COL24A1: variants seen among roughly 807,000 people sequenced by gnomAD.
COL24A1 encodes collagen type XXIV alpha 1 chain.
COL24A1 carries 224 observed loss-of-function variants against 253.9 expected under a neutral mutation model. The ratio of observed to expected loss-of-function variants is 0.88; its 90% CI spans 0.79 to 0.99. The LOEUF (loss-of-function observed/expected upper bound fraction) is 0.99. Among genes scored for constraint, COL24A1 ranks in the 50% least tolerant of loss-of-function variants. The pLI is 0.00. For synonymous variants in COL24A1, 685 were observed against 673.7 expected (o/e 1.02, Z -0.26); for missense variants, 2,131 against 2,068.5 (o/e 1.03, Z -0.59).
chr1:86,034,027 CTT>C, intron 12 of COL24A1, 104 bp from the exon 13 acceptor site: 1 of 799,902 alleles, frequency 1.3e-6, no homozygotes, highest in East Asian at 3.2e-5. Flanking sequence ...TTTCCTAACT[CTT>C]AAACTGTAAT....
At chr1:85,798,661 A>C (rs1238121188) in intron 47 of COL24A1, among the ~76,000 whole-genome samples, 3 of 152,174 alleles carry the variant, frequency 2.0e-5, no homozygotes, top group Admixed American at 1.3e-4. Context: ...GTGCTGATGA[A>C]GTGTGTTTTT....
At chr1:86,046,754 T>C in intron 12 of COL24A1, 71 bp downstream of exon 12, 1 of 1,553,172 alleles carries the variant, frequency 6.4e-7, no homozygotes, top group South Asian at 1.2e-5. Flanking sequence ...TCTTCACATT[T>C]TAATAAGTAA....
intron 35 of COL24A1, among the ~76,000 whole-genome samples, chr1:85,870,277 A>G (rs1319221690): frequency 6.6e-6 from 1 of 152,214 alleles, no homozygotes; most frequent in Non-Finnish European, 1.5e-5. Context: ...TGTCAACATT[A>G]GACAGATCAA....
At chr1:86,003,904 G>T (rs1695682243) in intron 19 of COL24A1, among the ~76,000 whole-genome samples, 1 of 152,114 alleles carries the variant, frequency 6.6e-6, no homozygotes, top group African/African-American at 2.4e-5. Flanking sequence ...TACCATGAAG[G>T]AGGTTATAAA....
chr1:85,790,559 C>A (rs1372069424), intron 47 of COL24A1, among the ~76,000 whole-genome samples: 1 of 151,696 alleles, frequency 6.6e-6, no homozygotes, highest in Non-Finnish European at 1.5e-5. Context: ...TCTTATATGG[C>A]ACTTCCATTG....
At chr1:86,083,308 A>G (rs1702810435) in intron 7 of COL24A1, among the ~76,000 whole-genome samples, 1 of 151,254 alleles carries the variant, frequency 6.6e-6, no homozygotes, top group Admixed American at 6.6e-5. Flanking sequence ...AAAAAAATAT[A>G]TATATATAAA....
At chr1:85,815,429 T>C (rs1672960744) in intron 47 of COL24A1, among the ~76,000 whole-genome samples, 2 of 152,132 alleles carry the variant, frequency 1.3e-5, no homozygotes, top group Admixed American at 1.3e-4. Context: ...ATTAAAAACT[T>C]TGGCCTGGCT....
chr1:86,153,301 T>C (rs6660694), intron 1 of COL24A1, among the ~76,000 whole-genome samples: 12,673 of 151,014 alleles, frequency 0.084, 621 homozygotes, highest in East Asian at 0.23. Flanking sequence ...GCTATTTCCT[T>C]TATTAGACTG....
chr1:86,115,480 C>T (rs192521107), intron 3 of COL24A1, 102 bp from the exon 4 acceptor site: 1 of 1,054,690 alleles, frequency 9.5e-7, no homozygotes, highest in East Asian at 2.5e-5. Context: ...TTTTTCAGTC[C>T]CCAGTTCCCA....
At chr1:85,860,078 T>C (rs1192004747) in intron 37 of COL24A1, among the ~76,000 whole-genome samples, 1 of 152,214 alleles carries the variant, frequency 6.6e-6, no homozygotes, top group African/African-American at 2.4e-5. Flanking sequence ...ATTTTAGACT[T>C]TGTGAAAGTA....
At chr1:85,852,467 A>G (rs985460593) in intron 37 of COL24A1, among the ~76,000 whole-genome samples, 2 of 152,128 alleles carry the variant, frequency 1.3e-5, no homozygotes. Flanking sequence ...TTGGTTTTCC[A>G]CACAAATTTT....
At chr1:85,875,386 G>A in intron 33 of COL24A1, 56 bp from the exon 34 acceptor site, 1 of 1,409,032 alleles carries the variant, frequency 7.1e-7, no homozygotes, top group Non-Finnish European at 1.0e-6. Context: ...ATGAGAAGAT[G>A]GTGGTAACAC....
intron 7 of COL24A1, among the ~76,000 whole-genome samples, chr1:86,077,984 T>G (rs1272011065): frequency 6.6e-6 from 1 of 151,684 alleles, no homozygotes; most frequent in Admixed American, 6.6e-5. Flanking sequence ...AAGTATAATT[T>G]TAAAAAAATT....
intron 24 of COL24A1, among the ~76,000 whole-genome samples, chr1:85,914,309 T>TGC (rs1685656015): frequency 1.8e-5 from 2 of 112,400 alleles, no homozygotes; most frequent in East Asian, 5.1e-4. Flanking sequence ...CATGAATGTG[T>TGC]GTGTGTGTGT....
At chr1:86,083,544 C>T (rs1267357401) in intron 7 of COL24A1, among the ~76,000 whole-genome samples, 1 of 152,082 alleles carries the variant, frequency 6.6e-6, no homozygotes, top group African/African-American at 2.4e-5. Context: ...TTTCCTGGAT[C>T]TTTTGCCTCT....
At chr1:85,772,177 A>G (rs145927758) in intron 53 of COL24A1, among the ~76,000 whole-genome samples, 9,833 of 151,528 alleles carry the variant, frequency 0.065, 431 homozygotes, top group East Asian at 0.16. Flanking sequence ...TATGTGCCAC[A>G]TTTTCTTAAT....
chr1:85,777,053 G>A (rs766523065), intron 52 of COL24A1, among the ~76,000 whole-genome samples: 2 of 151,756 alleles, frequency 1.3e-5, no homozygotes, highest in Non-Finnish European at 2.9e-5. Flanking sequence ...GGGTTCAAGC[G>A]ATTCTCCTGC....
chr1:85,971,773 A>C (rs941601061), intron 20 of COL24A1, among the ~76,000 whole-genome samples: 2 of 152,162 alleles, frequency 1.3e-5, no homozygotes, highest in Non-Finnish European at 2.9e-5. Flanking sequence ...CAGTGTTTTA[A>C]TATCTATTAA....
At chr1:85,970,075 T>C in intron 22 of COL24A1, 152 bp downstream of exon 22, 1 of 610,626 alleles carries the variant, frequency 1.6e-6, no homozygotes, top group Non-Finnish European at 2.7e-6. Flanking sequence ...CTTCCAGTTA[T>C]TGGCCTATTT....
Sources: gnomAD v4.1 joint callset for allele counts (sites outside exome capture counted in the v4.1 genomes callset) on GRCh38, gnomAD v4.1.1 for gene constraint, MANE v1.5 for transcripts, NCBI Gene and HGNC (gene_info 2026-07-23, HGNC 2026-07-21) for gene names.